Variants in VWA8 observed in about 807,000 individuals in gnomAD.
The protein encoded by VWA8 is von Willebrand factor A domain-containing protein 8.
Under a neutral mutation model 241.5 loss-of-function variants are expected in VWA8, and 221 were observed. The observed-to-expected ratio is 0.91, with a 90% CI of 0.82 to 1.02. VWA8 has a LOEUF of 1.02. Among genes scored for constraint, VWA8 ranks in the 50% least tolerant of loss-of-function variants. The pLI, the probability that VWA8 is intolerant of heterozygous loss-of-function variation, is 0.00. For synonymous variants in VWA8, 852 were observed against 827.1 expected, an observed-to-expected ratio of 1.03 and a Z score of -0.52; for missense variants, 2,322 against 2,328.7, an observed-to-expected ratio of 1.00 and a Z score of 0.06.
At chr13:41,641,036 T>C (rs1371474615) in intron 37 of VWA8, among the ~76,000 whole-genome samples, 1 of 152,240 alleles carries the variant, frequency 6.6e-6, no homozygotes, top group Non-Finnish European at 1.5e-5. Context: ...TGATTTCCGA[T>C]AACCACTGGG....
intron 2 of VWA8, among the ~76,000 whole-genome samples, chr13:41,948,799 C>T (rs1310130114): frequency 2.0e-5 from 3 of 152,066 alleles, no homozygotes; most frequent in Non-Finnish European, 4.4e-5. Context: ...CAGCAGGCTT[C>T]AAATGAAAGC....
In VWA8 at chr13:41,704,316, C is replaced by T. The variant is rs372569435; in HGVS notation, c.3117-905G>A. Among the ~76,000 whole-genome samples the T allele has an allele frequency of 5.9e-5, 9 of 152,274 alleles. No individual in the cohort carries two copies. The South Asian group carries it at 6.2e-4, about 11-fold the overall frequency. On this transcript the variant is annotated intron_variant, in intron 26 of 44. Coordinates refer to ENST00000379310, the MANE Select transcript of VWA8 (RefSeq NM_015058.2). ...GGGGCCACTTTCAGCACTAATCCAC[C>T]AAGGGAGCTAAATGCTGATTTCTGA... is the stretch of plus-strand genomic sequence containing the variant.
chr13:41,959,062 T>C (rs1323639173), intron 1 of VWA8, among the ~76,000 whole-genome samples: 1 of 152,208 alleles, frequency 6.6e-6, no homozygotes, highest in Non-Finnish European at 1.5e-5. Context: ...TGAACAGTCC[T>C]GAATCTAAAC....
chr13:41,787,349 T>G, intron 18 of VWA8, 88 bp downstream of exon 18: 1 of 1,104,516 alleles, frequency 9.1e-7, no homozygotes, highest in Non-Finnish European at 1.3e-6. Flanking sequence ...TGTTTAACTG[T>G]TTATTTTAAC....
At chr13:41,668,792 TTGAG>T (rs1184654506) in intron 37 of VWA8, among the ~76,000 whole-genome samples, 1 of 152,194 alleles carries the variant, frequency 6.6e-6, no homozygotes, top group African/African-American at 2.4e-5. Context: ...AGACTCATGT[TTGAG>T]TATGTATATA....
At chr13:41,850,182 T>C (rs901048335) in intron 12 of VWA8, among the ~76,000 whole-genome samples, 3 of 152,220 alleles carry the variant, frequency 2.0e-5, no homozygotes, top group Non-Finnish European at 2.9e-5. Context: ...ACTGTAATGT[T>C]TATTTTTATA....
At chr13:41,894,773 G>C (rs917407654) in intron 4 of VWA8, among the ~76,000 whole-genome samples, 1 of 152,170 alleles carries the variant, frequency 6.6e-6, no homozygotes, top group Non-Finnish European at 1.5e-5. Context: ...CCAGTAATGA[G>C]CTATATCAAT....
At chr13:41,882,242 G>T (rs1274206556) in intron 9 of VWA8, among the ~76,000 whole-genome samples, 3 of 151,562 alleles carry the variant, frequency 2.0e-5, no homozygotes, top group Non-Finnish European at 4.4e-5. Flanking sequence ...TTCCTAGATG[G>T]GATGGCGACC....
rs370376270 is a variant in VWA8 at position 41,671,122 on chromosome 13, T to G, written c.4435A>C (p.Thr1479Pro). The change falls in exon 37 of 45, where the codon ACA becomes CCA. Residue 1479 changes from threonine (T) to proline (P), a missense_variant. By Grantham distance (38) the Thr-to-Pro change is conservative (BLOSUM62 -1). Transcript: ENST00000379310. Reference protein sequence around the residue: ...PRSESLSPYTTWLSTISDTDA... With the variant: ...PRSESLSPYTPWLSTISDTDA... The stretch of plus-strand genomic sequence containing the variant: ...GTGTCTGAAATGGTCGACAGCCATG[T>G]GGTATACGGCGAGAGAGATTCTGAT... 22 of 1,613,748 alleles carry G rather than the reference T, an allele frequency of 1.4e-5. No individual in the cohort carries two copies. In the African/African-American group the frequency reaches 1.9e-4, roughly 14 times the overall value.
At chr13:41,859,384 T>C (rs1872907292) in intron 12 of VWA8, among the ~76,000 whole-genome samples, 1 of 152,178 alleles carries the variant, frequency 6.6e-6, no homozygotes, top group African/African-American at 2.4e-5. Context: ...AAGAAAAACT[T>C]AGCTAAGAGG....
At chr13:41,931,023 C>T (rs1396481470) in intron 2 of VWA8, among the ~76,000 whole-genome samples, 1 of 151,894 alleles carries the variant, frequency 6.6e-6, no homozygotes, top group Admixed American at 6.6e-5. Flanking sequence ...GTGGCGCACG[C>T]CTGTAGTCCC....
chr13:41,604,314 A>AT (rs953934529), intron 40 of VWA8, among the ~76,000 whole-genome samples: 29 of 152,062 alleles, frequency 1.9e-4, no homozygotes, highest in Non-Finnish European at 3.8e-4. Context: ...CTGCATATAG[A>AT]TTTTTTTTAA....
intron 19 of VWA8, among the ~76,000 whole-genome samples, chr13:41,779,034 G>A (rs1301482804): frequency 6.7e-6 from 1 of 150,258 alleles, no homozygotes. Flanking sequence ...GTAGAGACAG[G>A]GTTTCACCGT....
chr13:41,689,327 C>T (rs1208165635), intron 34 of VWA8, 27 bp downstream of exon 34: 4 of 1,597,266 alleles, frequency 2.5e-6, no homozygotes, highest in Non-Finnish European at 3.4e-6. Flanking sequence ...AAACATTTAT[C>T]CGATAATTTA....
chr13:41,866,358 AAT>A lies in VWA8; in HGVS notation c.1213-324_1213-323del, dbSNP rs1555344943. On this transcript the variant is annotated intron_variant, in intron 10 of 44. Coordinates refer to ENST00000379310, the MANE Select transcript of VWA8 (RefSeq NM_015058.2). ...AGCGAGACTCTGTCCCAAAAAAAAAAATATATATATATATATATGTGTGTGTG... is the reference window on the plus strand; with the variant it reads ...AGCGAGACTCTGTCCCAAAAAAAAAAATATATATATATATATGTGTGTGTG... 3.3e-3 allele frequency among the ~76,000 whole-genome samples: 482 copies of A among 145,864 alleles called. 2 individuals carry two copies. The highest frequency in any genetic ancestry group is 3.9e-3 in the Non-Finnish European group (264 of 66,952).
intron 9 of VWA8, among the ~76,000 whole-genome samples, chr13:41,872,581 T>A (rs1346318155): frequency 6.6e-6 from 1 of 152,222 alleles, no homozygotes; most frequent in Non-Finnish European, 1.5e-5. Context: ...CCCCATTGCT[T>A]GTTTTTCTCA....
intron 2 of VWA8, among the ~76,000 whole-genome samples, chr13:41,923,424 T>C (rs996778699): frequency 2.0e-5 from 3 of 152,094 alleles, no homozygotes; most frequent in South Asian, 4.1e-4. Context: ...CCCTAGAACT[T>C]AAAGTATAAT....
chr13:41,886,826 T>G lies in VWA8; in HGVS notation c.821A>C (p.Gln274Pro). ...RDIYYLPFKDQLKLLYSIGAN... is the reference protein window; with the variant it reads ...RDIYYLPFKDPLKLLYSIGAN... ...TCCAATTGAATATAACAACTTAAGT[T>G]GGTCCTAAAGTAATACAGAAACATA... Residue 274 changes from glutamine to proline, a missense_variant, in exon 7 of 45, where the codon CAA becomes CCA. Transcript: ENST00000379310. The G allele has an allele frequency of 1.9e-6, 3 of 1,589,868 alleles. No individual in the cohort carries two copies. Among genetic ancestry groups the G allele is most frequent in the Non-Finnish European group, 2.6e-6 (3 of 1,170,936 alleles).
chr13:41,664,389 ATGTGTG>A (rs3073033), intron 37 of VWA8, among the ~76,000 whole-genome samples: 1,470 of 137,950 alleles, frequency 0.011, 9 homozygotes, highest in Middle Eastern at 0.022. Flanking sequence ...ACATGCTTTG[ATGTGTG>A]TGTGTGTGTG....
Sources: gnomAD v4.1 joint callset for allele counts (sites outside exome capture counted in the v4.1 genomes callset) on GRCh38, gnomAD v4.1.1 for gene constraint, MANE v1.5 for transcripts, NCBI Gene and HGNC (gene_info 2026-07-23, HGNC 2026-07-21) for gene names.